Variants in RAB3C observed in about 807,000 individuals in gnomAD.
RAB3C encodes the protein ras-related protein Rab-3C.
In RAB3C, 17 loss-of-function variants were observed where a neutral mutation model predicts 26.4. The observed-to-expected ratio is 0.64, with a 90% confidence interval of 0.44 to 0.97. The LOEUF (loss-of-function observed/expected upper bound fraction) is 0.97, where lower values mean the gene tolerates loss of function less well. Among genes scored for constraint, RAB3C ranks in the 50% least tolerant of loss-of-function variants. The pLI, the probability that RAB3C is intolerant of heterozygous loss-of-function variation, is 0.00. For synonymous variants in RAB3C, 91 were observed against 95.9 expected, an observed-to-expected ratio of 0.95 and a Z score of 0.30; for missense variants, 242 against 281.9, an observed-to-expected ratio of 0.86 and a Z score of 1.01.
chr5:58,765,087 T>G (rs1349851027), intron 3 of RAB3C, among the ~76,000 whole-genome samples: 1 of 152,204 alleles, frequency 6.6e-6, no homozygotes, highest in Non-Finnish European at 1.5e-5. Flanking sequence ...AGGAAACTTC[T>G]TACAAAAAAT....
intron 2 of RAB3C, among the ~76,000 whole-genome samples, chr5:58,625,392 T>C (rs1253181914): frequency 2.6e-5 from 4 of 152,106 alleles, no homozygotes; most frequent in South Asian, 4.1e-4. Context: ...ATAAATCAAA[T>C]GGTAGCCAAC....
intron 3 of RAB3C, among the ~76,000 whole-genome samples, chr5:58,758,773 T>C (rs1741730353): frequency 6.6e-6 from 1 of 151,938 alleles, no homozygotes; most frequent in African/African-American, 2.4e-5. Context: ...ATTACTAAAG[T>C]AAAATGAAAT....
At chr5:58,621,497 C>T (rs1746936224) in intron 2 of RAB3C, among the ~76,000 whole-genome samples, 1 of 152,194 alleles carries the variant, frequency 6.6e-6, no homozygotes, top group Admixed American at 6.5e-5. Flanking sequence ...TGTAATAAAT[C>T]TCAACCTGGT....
In RAB3C at chr5:58,834,134, G is replaced by A. The variant is rs149037852; in HGVS notation, c.496+8972G>A. On this transcript the variant is annotated intron_variant, in intron 4 of 4. Transcript: ENST00000282878. ...AGACCATGGCTGATTTAATGGTTTG[G>A]TGGTTCACACACATTTATAGCTAAT... 1.6e-3 allele frequency among the ~76,000 whole-genome samples: 237 copies of A among 152,272 alleles called. 1 individual carries two copies. Among genetic ancestry groups the A allele is most frequent in the African/African-American group, 5.5e-3 (228 of 41,548 alleles).
chr5:58,779,983 TG>T (rs1313517599), intron 3 of RAB3C, among the ~76,000 whole-genome samples: 4 of 151,744 alleles, frequency 2.6e-5, no homozygotes, highest in African/African-American at 9.7e-5. Context: ...TGTGGAAAAA[TG>T]GAAAGGACTG....
intron 3 of RAB3C, among the ~76,000 whole-genome samples, chr5:58,779,166 A>G (rs939187772): frequency 6.6e-6 from 1 of 152,020 alleles, no homozygotes; most frequent in Non-Finnish European, 1.5e-5. Flanking sequence ...TAGTGCCAAC[A>G]AGACAGAATC....
chr5:58,704,212 A>G (rs544195466), intron 2 of RAB3C, among the ~76,000 whole-genome samples: 2 of 152,312 alleles, frequency 1.3e-5, no homozygotes, highest in South Asian at 2.1e-4. Context: ...AAATCCTGAA[A>G]TCAATTTCTT....
chr5:58,783,793 C>T (rs1301156773), intron 3 of RAB3C, among the ~76,000 whole-genome samples: 1 of 152,160 alleles, frequency 6.6e-6, no homozygotes, highest in Non-Finnish European at 1.5e-5. Context: ...TATCCACAAA[C>T]AACATTGTTT....
chr5:58,761,550 T>G (rs1015327570), intron 3 of RAB3C, among the ~76,000 whole-genome samples: 1 of 152,204 alleles, frequency 6.6e-6, no homozygotes, highest in African/African-American at 2.4e-5. Context: ...TCTAGAAAGC[T>G]TAGCTAAGCT....
chr5:58,787,008 A>G (rs571788264), intron 3 of RAB3C, among the ~76,000 whole-genome samples: 203 of 152,248 alleles, frequency 1.3e-3, no homozygotes, highest in African/African-American at 4.8e-3. Flanking sequence ...AGTTCAATGC[A>G]TCATTTCAAG....
At chr5:58,675,955 G>A (rs1748216213) in intron 2 of RAB3C, among the ~76,000 whole-genome samples, 1 of 144,164 alleles carries the variant, frequency 6.9e-6, no homozygotes, top group Admixed American at 6.8e-5. Context: ...TCCTTGTGCA[G>A]CCTTACCCTG....
intron 3 of RAB3C, among the ~76,000 whole-genome samples, chr5:58,791,248 AG>A (rs1000584821): frequency 6.6e-6 from 1 of 152,144 alleles, no homozygotes; most frequent in African/African-American, 2.4e-5. Context: ...GCTTGAACTA[AG>A]TTCAGTAGCC....
At chr5:58,583,617 G>T (rs1276137429) in intron 1 of RAB3C, among the ~76,000 whole-genome samples, 1 of 152,156 alleles carries the variant, frequency 6.6e-6, no homozygotes, top group East Asian at 1.9e-4. Flanking sequence ...GATCAGATTC[G>T]GGGTTGAAGG....
At chr5:58,672,414 C>A (rs765453097) in intron 2 of RAB3C, among the ~76,000 whole-genome samples, 4 of 152,200 alleles carry the variant, frequency 2.6e-5, no homozygotes, top group Non-Finnish European at 4.4e-5. Context: ...GCACTGTTAA[C>A]TTGCCAAACT....
rs117539309 is a variant in RAB3C at position 58,785,934 on chromosome 5, C to A, written c.372-39104C>A. ...TGCTGGCTTTGAAGATAGAAGGGAA[C>A]CCAGAGGTAAGAAATTTGTGAAGCT... On this transcript the variant is annotated intron_variant, in intron 3 of 4. Transcript: ENST00000282878. Among the ~76,000 whole-genome samples, 221 of 152,274 alleles carry A rather than the reference C, an allele frequency of 1.5e-3. 2 individuals carry two copies. The East Asian group carries it at 0.032, about 22-fold the overall frequency.
chr5:58,713,542 T>C (rs1749106546), intron 2 of RAB3C, among the ~76,000 whole-genome samples: 1 of 152,172 alleles, frequency 6.6e-6, no homozygotes, highest in South Asian at 2.1e-4. Context: ...CAGAGAAATA[T>C]TCTTATTTTA....
chr5:58,669,316 AAGAAAAATGT>A (rs1346155443), intron 2 of RAB3C, among the ~76,000 whole-genome samples: 8 of 152,134 alleles, frequency 5.3e-5, no homozygotes, highest in African/African-American at 1.9e-4. Context: ...ATTTCCCATC[AAGAAAAATGT>A]AGAAAATACC....
At chr5:58,655,522 G>C (rs889489996) in intron 2 of RAB3C, among the ~76,000 whole-genome samples, 2 of 152,070 alleles carry the variant, frequency 1.3e-5, no homozygotes, top group Non-Finnish European at 2.9e-5. Context: ...GAATGTTAAG[G>C]GAACTAAGAA....
chr5:58,829,288 G>T (rs896203786), intron 4 of RAB3C, among the ~76,000 whole-genome samples: 4 of 152,106 alleles, frequency 2.6e-5, no homozygotes, highest in Admixed American at 1.3e-4. Flanking sequence ...TAAATTTATA[G>T]TATGGTACTT....
Sources: gnomAD v4.1 joint callset for allele counts (sites outside exome capture counted in the v4.1 genomes callset) on GRCh38, gnomAD v4.1.1 for gene constraint, MANE v1.5 for transcripts, NCBI Gene and HGNC (gene_info 2026-07-23, HGNC 2026-07-21) for gene names.